Variants in USP30 observed in about 807,000 individuals in gnomAD.
USP30 encodes ubiquitin carboxyl-terminal hydrolase 30.
USP30 carries 41 observed loss-of-function variants against 68.2 expected under a neutral mutation model. The ratio of observed to expected loss-of-function variants is 0.60; its 90% CI spans 0.47 to 0.78. The LOEUF (loss-of-function observed/expected upper bound fraction) is 0.78, where lower values mean the gene tolerates loss of function less well. Ranked by LOEUF, USP30 falls within the 30% of genes least tolerant of loss-of-function variation. The pLI is 0.00. For synonymous variants in USP30, 229 were observed against 253.7 expected (o/e 0.90, Z 0.93); for missense variants, 522 against 649.4 (o/e 0.80, Z 2.13).
intron 3 of USP30, among the ~76,000 whole-genome samples, chr12:109,040,451 A>C (rs2040556088): frequency 6.6e-6 from 1 of 152,322 alleles, no homozygotes; most frequent in Admixed American, 6.5e-5. Context: ...CTGCATAAGA[A>C]ATTACCCCCA....
Position 109,085,068 on chromosome 12 carries a change from C to T in USP30, c.1284C>T (p.Asp428=), listed in dbSNP as rs758993636. 3.8e-6 allele frequency: 6 copies of T among 1,582,816 alleles called. No individual in the cohort carries two copies. In the Admixed American group the frequency reaches 8.7e-5, roughly 23 times the overall value. ...CCTTCCCTCTCCCAGTTGTTCCCGA[C>T]TACAGGTGAGCCACCCTTTACAAGC... The part of the protein sequence containing the change: ...PMPFPLPVVP[D]YSSSTYLFRL... Residue 428 remains aspartate (D), a synonymous_variant, in exon 12 of 13, where the codon GAC becomes GAT. Transcript: ENST00000257548.
chr12:109,071,028 C>T (rs1221885460), intron 4 of USP30, among the ~76,000 whole-genome samples: 1 of 152,144 alleles, frequency 6.6e-6, no homozygotes, highest in Non-Finnish European at 1.5e-5. Context: ...AAGCCAGTCA[C>T]AAAGACCAAC....
chr12:109,085,203 T>C (rs2041911306), intron 12 of USP30, 130 bp downstream of exon 12: 5 of 1,047,682 alleles, frequency 4.8e-6, no homozygotes, highest in Non-Finnish European at 6.4e-6. Context: ...GTTTCACGAT[T>C]ACACATTCCT....
intron 3 of USP30, among the ~76,000 whole-genome samples, chr12:109,062,755 TA>T (rs1566090731): frequency 1.3e-5 from 2 of 152,172 alleles, no homozygotes; most frequent in African/African-American, 2.4e-5. Context: ...TTTCAGCATA[TA>T]GTTGAGTAGA....
At chr12:109,062,107 G>T (rs2041087361) in intron 3 of USP30, among the ~76,000 whole-genome samples, 1 of 151,814 alleles carries the variant, frequency 6.6e-6, no homozygotes, top group African/African-American at 2.4e-5. Context: ...GCTAATTTTT[G>T]TATTTTTAGT....
chr12:109,086,118 G>A lies in USP30; in HGVS notation c.*187G>A, dbSNP rs2041942521. The A allele has an allele frequency of 4.0e-6, 3 of 741,104 alleles. No individual in the cohort carries two copies. The highest frequency in any genetic ancestry group is 3.5e-5 in the African/African-American group (2 of 56,514). The allele number at this position is 741,104 out of a possible 1,614,324, so 45.9% of individuals were successfully genotyped here. On this transcript the variant is annotated 3_prime_UTR_variant, in exon 13 of 13. Transcript: ENST00000257548. ...CAAACCAGGCTCCCTGAACAGTCCT[G>A]TTCATGTGTGTAGGTGGTTCTGTTG...
In USP30 at chr12:109,023,967, A is replaced by T. The variant is rs1039545582; in HGVS notation, c.-498+800A>T. ...ATTTTTTGATGTTCAACAGAGACCA[A>T]GTCAAGTTCCTTCAAAGGAAAAAGG... On this transcript the variant is annotated intron_variant, in intron 1 of 15. Coordinates refer to the USP30 transcript ENST00000392784. Among the ~76,000 whole-genome samples, 30 of 152,042 alleles carry T rather than the reference A, an allele frequency of 2.0e-4. 1 individual carries two copies. Among genetic ancestry groups the T allele is most frequent in the Admixed American group, 1.7e-3 (26 of 15,264 alleles).
intron 1 of USP30, among the ~76,000 whole-genome samples, chr12:109,055,543 G>T (rs2040843158): frequency 6.8e-6 from 1 of 147,426 alleles, no homozygotes; most frequent in East Asian, 2.0e-4. Context: ...GGGATTACAG[G>T]CACCTGCCAC....
chr12:109,024,609 A>T lies in USP30; in HGVS notation c.-497-194A>T, dbSNP rs117402507. 9.6e-3 allele frequency among the ~76,000 whole-genome samples: 1,453 copies of T among 151,026 alleles called. 13 individuals are homozygous for T. Among genetic ancestry groups the T allele is most frequent in the Non-Finnish European group, 0.012 (826 of 67,842 alleles). On this transcript the variant is annotated intron_variant, in intron 1 of 15. Coordinates refer to the USP30 transcript ENST00000392784. ...TGGTGGGTTTAAGGAATACCTAGAGAACTGGTAAAGCAGCATTTTTTTTTT... is the reference window on the plus strand; with the variant it reads ...TGGTGGGTTTAAGGAATACCTAGAGTACTGGTAAAGCAGCATTTTTTTTTT...
At chr12:109,042,625 A>C (rs542728303) in intron 3 of USP30, among the ~76,000 whole-genome samples, 5 of 152,330 alleles carry the variant, frequency 3.3e-5, no homozygotes, top group African/African-American at 1.2e-4. Context: ...TATTATTAAA[A>C]ACAATGTTAC....
chr12:109,075,306 T>C (rs1434002741), intron 7 of USP30, among the ~76,000 whole-genome samples: 3 of 152,202 alleles, frequency 2.0e-5, no homozygotes, highest in Non-Finnish European at 4.4e-5. Flanking sequence ...ACCAACAGTA[T>C]GCAAGAGTTG....
At chr12:109,042,862 C>A (rs920856080) in intron 3 of USP30, among the ~76,000 whole-genome samples, 1 of 151,800 alleles carries the variant, frequency 6.6e-6, no homozygotes, top group African/African-American at 2.4e-5. Flanking sequence ...TTAAAGAGTC[C>A]AGAAAAAAGC....
intron 6 of USP30, among the ~76,000 whole-genome samples, chr12:109,072,929 C>A (rs1401235493): frequency 6.6e-6 from 1 of 152,124 alleles, no homozygotes; most frequent in Non-Finnish European, 1.5e-5. Flanking sequence ...TAAAGGCATT[C>A]CCAGGTCAGG....
chr12:109,067,530 C>G lies in USP30; in HGVS notation c.383C>G (p.Ser128Cys), dbSNP rs1335994911. 1 of 1,613,786 alleles carries G rather than the reference C, an allele frequency of 6.2e-7. No homozygotes were observed. Among genetic ancestry groups the G allele is most frequent in the Non-Finnish European group, 8.5e-7 (1 of 1,179,936 alleles). Reference protein sequence around the residue: ...LTLLHLLKALSCQEVTDDEVL... With the variant: ...LTLLHLLKALCCQEVTDDEVL... ...TTACCTTTTTTGTTTCCAGCCTTGT[C>G]CTGCCAAGAAGTTACTGATGATGAG... Residue 128 changes from serine to cysteine, a missense_variant, in exon 4 of 13, where the codon TCC becomes TGC. Transcript: ENST00000257548.
At chr12:109,063,050 T>C (rs1423874578) in intron 3 of USP30, among the ~76,000 whole-genome samples, 1 of 152,190 alleles carries the variant, frequency 6.6e-6, no homozygotes, top group Non-Finnish European at 1.5e-5. Context: ...GGTTCATCCA[T>C]GTTATACCAT....
At chr12:109,079,438 A>G (rs1016197121) in intron 7 of USP30, among the ~76,000 whole-genome samples, 10 of 127,094 alleles carry the variant, frequency 7.9e-5, no homozygotes, top group African/African-American at 3.1e-4. Flanking sequence ...ATCATAGCTC[A>G]CTGCAGCCTC....
At chr12:109,032,942 T>G (rs946553304) in intron 3 of USP30, among the ~76,000 whole-genome samples, 4 of 152,148 alleles carry the variant, frequency 2.6e-5, no homozygotes, top group Admixed American at 1.3e-4. Context: ...TAAGGGAGAC[T>G]GGAATAGAGA....
chr12:109,083,085 T>C (rs1336903992), intron 11 of USP30, 23 bp downstream of exon 11: 3 of 1,564,488 alleles, frequency 1.9e-6, no homozygotes, highest in South Asian at 2.4e-5. Context: ...GAGGAGCCGA[T>C]GCAGCAGGAA....
At chr12:109,066,272 C>G (rs1160652074) in intron 3 of USP30, among the ~76,000 whole-genome samples, 1 of 146,000 alleles carries the variant, frequency 6.8e-6, no homozygotes, top group African/African-American at 2.5e-5. Flanking sequence ...AAAAAGCAAG[C>G]CTAAGATGTT....
Sources: gnomAD v4.1 joint callset for allele counts (sites outside exome capture counted in the v4.1 genomes callset) on GRCh38, gnomAD v4.1.1 for gene constraint, MANE v1.5 for transcripts, NCBI Gene and HGNC (gene_info 2026-07-23, HGNC 2026-07-21) for gene names.